Variants in TENM3 observed in about 807,000 individuals in gnomAD.
TENM3 encodes the protein teneurin transmembrane protein 3.
TENM3 carries 63 observed loss-of-function variants against 255.1 expected under a neutral mutation model. That is an observed-to-expected ratio of 0.25 (90% confidence interval 0.20 to 0.30). TENM3 has a LOEUF of 0.30. Ranked by LOEUF, TENM3 falls within the 10% of genes least tolerant of loss-of-function variation. TENM3 has a pLI of 1.00. For missense variants in TENM3, 2,929 were observed against 3,461.1 expected, an observed-to-expected ratio of 0.85 and a Z score of 3.86; for synonymous variants, 1,306 against 1,322.3, an observed-to-expected ratio of 0.99 and a Z score of 0.27.
At chr4:182,724,446 T>C (rs184971546) in intron 13 of TENM3, among the ~76,000 whole-genome samples, 6 of 152,350 alleles carry the variant, frequency 3.9e-5, no homozygotes, top group Admixed American at 2.0e-4. Flanking sequence ...TTGGGCAAGT[T>C]ACTGATAAAC....
At chr4:181,471,001 A>G in the TENM3 span, among the ~76,000 whole-genome samples, 387 of 152,228 alleles carry the variant, frequency 2.5e-3, 2 homozygotes, top group African/African-American at 9.2e-3. Context: ...TTCTTAAGAA[A>G]ATAGACATAT....
At chr4:182,078,503 C>T in the TENM3 span, among the ~76,000 whole-genome samples, 1 of 152,084 alleles carries the variant, frequency 6.6e-6, no homozygotes, top group Non-Finnish European at 1.5e-5. Flanking sequence ...TCCTGGACAA[C>T]AGAGCGAGAC....
At chr4:181,848,580 G>A in the TENM3 span, among the ~76,000 whole-genome samples, 2 of 152,134 alleles carry the variant, frequency 1.3e-5, no homozygotes, top group Admixed American at 1.3e-4. Flanking sequence ...TGCTTTTACC[G>A]TGACAGATGT....
At chr4:181,691,235 TTGTGTGTG>T in the TENM3 span, among the ~76,000 whole-genome samples, 3 of 150,818 alleles carry the variant, frequency 2.0e-5, no homozygotes, top group South Asian at 4.2e-4. Context: ...AAATATGATC[TTGTGTGTG>T]TGTGTGTGTG....
the TENM3 span, among the ~76,000 whole-genome samples, chr4:181,465,137 T>A: frequency 6.6e-6 from 1 of 152,126 alleles, no homozygotes; most frequent in Non-Finnish European, 1.5e-5. Context: ...TTTCTTATGA[T>A]GTGAAGGAGT....
chr4:182,579,634 TA>T (rs777648824), intron 3 of TENM3, among the ~76,000 whole-genome samples: 1 of 152,226 alleles, frequency 6.6e-6, no homozygotes, highest in Non-Finnish European at 1.5e-5. Flanking sequence ...TAAGATTTTT[TA>T]GTAGAAGAGT....
chr4:182,666,297 G>A (rs899666981), intron 6 of TENM3, among the ~76,000 whole-genome samples: 1 of 152,226 alleles, frequency 6.6e-6, no homozygotes, highest in Non-Finnish European at 1.5e-5. Flanking sequence ...CAGTGGCAAG[G>A]TTTGAGAGGG....
the TENM3 span, among the ~76,000 whole-genome samples, chr4:181,568,362 A>G: frequency 6.6e-6 from 1 of 151,524 alleles, no homozygotes; most frequent in African/African-American, 2.4e-5. Flanking sequence ...TTGTTTTACT[A>G]TGTATTTTTA....
chr4:182,018,983 A>G, the TENM3 span, among the ~76,000 whole-genome samples: 1 of 152,204 alleles, frequency 6.6e-6, no homozygotes, highest in African/African-American at 2.4e-5. Context: ...TACCCCCAGC[A>G]TTACCAAAAC....
chr4:182,535,711 C>T (rs781436678), intron 3 of TENM3, among the ~76,000 whole-genome samples: 21 of 151,488 alleles, frequency 1.4e-4, no homozygotes, highest in Non-Finnish European at 2.5e-4. Context: ...CTGCACTCCA[C>T]CCTGGGTGAC....
At chr4:181,470,390 T>A in the TENM3 span, among the ~76,000 whole-genome samples, 3 of 152,186 alleles carry the variant, frequency 2.0e-5, no homozygotes, top group African/African-American at 7.2e-5. Flanking sequence ...TGTTTTACAC[T>A]ATGTGCTTGA....
At chr4:182,207,060 T>C (rs1647231048) in intron 1 of TENM3, among the ~76,000 whole-genome samples, 1 of 152,192 alleles carries the variant, frequency 6.6e-6, no homozygotes, top group Admixed American at 6.5e-5. Context: ...AGTTGTTAAG[T>C]ACTTATTACA....
intron 12 of TENM3, among the ~76,000 whole-genome samples, chr4:182,696,498 G>A (rs545044322): frequency 2.6e-5 from 4 of 152,204 alleles, no homozygotes; most frequent in Admixed American, 2.6e-4. Flanking sequence ...AGGCCAAGGC[G>A]GGTAGATCAC....
the TENM3 span, among the ~76,000 whole-genome samples, chr4:181,967,596 ATGTCAC>A: frequency 6.6e-6 from 1 of 152,124 alleles, no homozygotes; most frequent in East Asian, 1.9e-4. Flanking sequence ...TGCCTGCTTG[ATGTCAC>A]TGTCACTTTG....
At chr4:182,020,939 A>AT in the TENM3 span, among the ~76,000 whole-genome samples, 4 of 149,876 alleles carry the variant, frequency 2.7e-5, no homozygotes, top group East Asian at 3.9e-4. Flanking sequence ...CTCCCTCTGG[A>AT]TTTTTTTTTC....
the TENM3 span, among the ~76,000 whole-genome samples, chr4:181,737,411 T>C: frequency 3.3e-4 from 51 of 152,270 alleles, no homozygotes; most frequent in South Asian, 4.1e-4. Flanking sequence ...TCTGAAGCCT[T>C]TTCCTCCTGT....
chr4:182,379,334 G>A (rs1330792634), intron 3 of TENM3, among the ~76,000 whole-genome samples: 1 of 152,142 alleles, frequency 6.6e-6, no homozygotes, highest in African/African-American at 2.4e-5. Flanking sequence ...TCCAGCCTGG[G>A]CAATAGAGCG....
chr4:182,249,885 C>T (rs1579892516), intron 1 of TENM3, among the ~76,000 whole-genome samples: 1 of 151,928 alleles, frequency 6.6e-6, no homozygotes, highest in Non-Finnish European at 1.5e-5. Context: ...CACCCAGCCT[C>T]CCGAGTAGCT....
the TENM3 span, among the ~76,000 whole-genome samples, chr4:181,628,727 G>A: frequency 3.9e-4 from 59 of 152,254 alleles, no homozygotes; most frequent in Non-Finnish European, 7.5e-4. Context: ...TGCTGTTTTG[G>A]TTCCTGTAGC....
Sources: allele counts gnomAD v4.1 joint callset (sites outside exome capture counted in the v4.1 genomes callset), GRCh38; gene constraint gnomAD v4.1.1; transcripts MANE v1.5; gene names NCBI Gene and HGNC (gene_info 2026-07-23, HGNC 2026-07-21).